Variants in MYO1B observed in about 807,000 individuals in gnomAD.
MYO1B encodes the protein myosin IB, also known as unconventional myosin-Ib.
A neutral mutation model predicts 159.7 loss-of-function variants in MYO1B; 72 were observed. The observed-to-expected ratio is 0.45, with a 90% CI of 0.37 to 0.55. The LOEUF (loss-of-function observed/expected upper bound fraction) is 0.55, where lower values mean the gene tolerates loss of function less well. Ranked by LOEUF, MYO1B falls within the 20% of genes least tolerant of loss-of-function variation. MYO1B has a pLI of 0.00. For synonymous variants in MYO1B, 468 were observed against 473.8 expected, an observed-to-expected ratio of 0.99 and a Z score of 0.16; for missense variants, 1,062 against 1,364.8, an observed-to-expected ratio of 0.78 and a Z score of 3.50.
chr2:191,299,496 C>G (rs922011723), intron 3 of MYO1B, among the ~76,000 whole-genome samples: 7 of 152,166 alleles, frequency 4.6e-5, no homozygotes, highest in Non-Finnish European at 5.9e-5. Flanking sequence ...ATGCTTTTCC[C>G]TCTTTCTCCA....
At chr2:191,383,189 AAT>A in intron 14 of MYO1B, 89 bp from the exon 15 acceptor site, 1 of 728,388 alleles carries the variant, frequency 1.4e-6, no homozygotes, top group Non-Finnish European at 2.2e-6. Flanking sequence ...GAGGAAGGGA[AAT>A]ATGATAAGAT....
chr2:191,297,278 A>G (rs1301991525), intron 3 of MYO1B, among the ~76,000 whole-genome samples: 1 of 152,216 alleles, frequency 6.6e-6, no homozygotes, highest in Non-Finnish European at 1.5e-5. Flanking sequence ...CATTTTTACC[A>G]GAATTCACGT....
At chr2:191,355,432 A>G (rs1298931269) in intron 7 of MYO1B, among the ~76,000 whole-genome samples, 1 of 152,232 alleles carries the variant, frequency 6.6e-6, no homozygotes, top group East Asian at 1.9e-4. Flanking sequence ...CCCAGTTTGG[A>G]AGCACTTGTA....
rs975882001 is a variant in MYO1B at position 191,287,032 on chromosome 2, A to G, written c.136-9079A>G. ...TTTAGCCATGGTATTAACATATTTTATGTAGACTTTCAAGTCCTGATTTGG... is the reference window on the plus strand; with the variant it reads ...TTTAGCCATGGTATTAACATATTTTGTGTAGACTTTCAAGTCCTGATTTGG... On this transcript the variant is annotated intron_variant, in intron 2 of 30. Transcript: ENST00000392318. 1.4e-4 allele frequency among the ~76,000 whole-genome samples: 22 copies of G among 152,226 alleles called. 1 individual carries two copies. Among genetic ancestry groups the G allele is most frequent in the Admixed American group, 1.2e-3 (19 of 15,288 alleles).
At chr2:191,272,962 T>C (rs1574310365) in intron 1 of MYO1B, among the ~76,000 whole-genome samples, 1 of 152,182 alleles carries the variant, frequency 6.6e-6, no homozygotes, top group East Asian at 1.9e-4. Flanking sequence ...TTGCAAATAA[T>C]AGAAAATACA....
At chr2:191,340,596 A>G (rs1292549922) in intron 4 of MYO1B, among the ~76,000 whole-genome samples, 2 of 152,232 alleles carry the variant, frequency 1.3e-5, no homozygotes, top group African/African-American at 2.4e-5. Context: ...AGTGAAGCCT[A>G]TTAAGACTAC....
intron 13 of MYO1B, among the ~76,000 whole-genome samples, chr2:191,374,189 G>A (rs1694554437): frequency 6.6e-6 from 1 of 152,158 alleles, no homozygotes; most frequent in Non-Finnish European, 1.5e-5. Context: ...AGAAAATTAA[G>A]AACTTTAAAG....
chr2:191,357,226 A>G (rs1318479814), intron 7 of MYO1B, among the ~76,000 whole-genome samples: 4 of 152,142 alleles, frequency 2.6e-5, no homozygotes, highest in African/African-American at 9.7e-5. Flanking sequence ...GTGCAGCCTT[A>G]GACTATTTCT....
intron 3 of MYO1B, among the ~76,000 whole-genome samples, chr2:191,314,810 G>T (rs1175018032): frequency 6.6e-6 from 1 of 152,206 alleles, no homozygotes; most frequent in Non-Finnish European, 1.5e-5. Context: ...GAAAGGAGAA[G>T]AATATTGGGT....
intron 1 of MYO1B, among the ~76,000 whole-genome samples, chr2:191,274,664 A>G (rs921014237): frequency 6.6e-6 from 1 of 152,144 alleles, no homozygotes; most frequent in African/African-American, 2.4e-5. Flanking sequence ...CTTTGATTCA[A>G]ATGTTAATTT....
chr2:191,412,040 C>T (rs1253196352), intron 27 of MYO1B, among the ~76,000 whole-genome samples: 2 of 152,108 alleles, frequency 1.3e-5, no homozygotes, highest in Non-Finnish European at 2.9e-5. Flanking sequence ...AAAATATCTT[C>T]CTTTTAAAGG....
At chr2:191,281,984 G>A (rs1032297194) in intron 2 of MYO1B, among the ~76,000 whole-genome samples, 4 of 152,110 alleles carry the variant, frequency 2.6e-5, no homozygotes, top group African/African-American at 9.7e-5. Context: ...AGGATTCCCA[G>A]GATGAGATTA....
intron 27 of MYO1B, among the ~76,000 whole-genome samples, chr2:191,412,757 T>C (rs935302208): frequency 3.9e-5 from 6 of 152,228 alleles, no homozygotes. Flanking sequence ...GAACCTGTCC[T>C]GAAAGAGTCC....
At chr2:191,373,145 G>A (rs955008658) in intron 13 of MYO1B, among the ~76,000 whole-genome samples, 3 of 151,934 alleles carry the variant, frequency 2.0e-5, no homozygotes, top group Non-Finnish European at 2.9e-5. Context: ...CCACCGCGCC[G>A]GCCTGGCTGC....
chr2:191,326,764 G>GTA (rs572543081), intron 3 of MYO1B, among the ~76,000 whole-genome samples: 3,119 of 133,728 alleles, frequency 0.023, 98 homozygotes, highest in African/African-American at 0.079. Flanking sequence ...CCTTGTGTTT[G>GTA]TATATATGTG....
chr2:191,343,223 A>G (rs1221558020), intron 5 of MYO1B, among the ~76,000 whole-genome samples: 1 of 152,244 alleles, frequency 6.6e-6, no homozygotes, highest in East Asian at 1.9e-4. Flanking sequence ...GGTTCAAGTC[A>G]TAGAAGTAAA....
chr2:191,328,744 G>A (rs1691266636), intron 3 of MYO1B, among the ~76,000 whole-genome samples: 1 of 151,898 alleles, frequency 6.6e-6, no homozygotes, highest in Non-Finnish European at 1.5e-5. Context: ...CAGCTACATC[G>A]AACTGCACAT....
intron 6 of MYO1B, among the ~76,000 whole-genome samples, chr2:191,349,911 T>C (rs1692802695): frequency 1.3e-5 from 2 of 152,126 alleles, no homozygotes; most frequent in South Asian, 4.1e-4. Flanking sequence ...AATGGAAAAA[T>C]CACATGATGG....
intron 1 of MYO1B, among the ~76,000 whole-genome samples, chr2:191,271,051 G>T (rs1006786504): frequency 1.3e-5 from 2 of 152,176 alleles, no homozygotes; most frequent in East Asian, 3.9e-4. Context: ...TGTGCAAGAG[G>T]CTGTGCACTG....
Sources: allele counts gnomAD v4.1 joint callset (sites outside exome capture counted in the v4.1 genomes callset), GRCh38; gene constraint gnomAD v4.1.1; transcripts MANE v1.5; gene names NCBI Gene and HGNC (gene_info 2026-07-23, HGNC 2026-07-21).